The following UNC5D variants were observed in gnomAD, a reference collection of about 807,000 sequenced individuals.
UNC5D encodes netrin receptor UNC5D.
Under a neutral mutation model 105.4 loss-of-function variants are expected in UNC5D, and 39 were observed. The observed-to-expected ratio is 0.37, with a 90% CI of 0.29 to 0.48. The LOEUF (loss-of-function observed/expected upper bound fraction) is 0.48. Ranked by LOEUF, UNC5D falls within the 20% of genes least tolerant of loss-of-function variation. The pLI, the probability that UNC5D is intolerant of heterozygous loss-of-function variation, is 0.98. For synonymous variants in UNC5D, 452 were observed against 450.4 expected (o/e 1.00, Z -0.04); for missense variants, 991 against 1,202.4 (o/e 0.82, Z 2.60).
chr8:35,571,189 A>G (rs1586157941), intron 3 of UNC5D, among the ~76,000 whole-genome samples: 1 of 152,122 alleles, frequency 6.6e-6, no homozygotes, highest in African/African-American at 2.4e-5. Flanking sequence ...CCTTTTTAGA[A>G]TCATAAAATA....
At chr8:35,643,228 C>T (rs1251290081) in intron 4 of UNC5D, among the ~76,000 whole-genome samples, 1 of 152,180 alleles carries the variant, frequency 6.6e-6, no homozygotes, top group Non-Finnish European at 1.5e-5. Context: ...TTGTGACAGC[C>T]AAATATGTCT....
chr8:35,598,359 C>A (rs902837928), intron 4 of UNC5D, among the ~76,000 whole-genome samples: 1 of 152,132 alleles, frequency 6.6e-6, no homozygotes, highest in Non-Finnish European at 1.5e-5. Flanking sequence ...TGAAGCAGTG[C>A]TGCTCAAGGC....
chr8:35,647,585 T>C (rs569855970), intron 4 of UNC5D, among the ~76,000 whole-genome samples: 1 of 152,306 alleles, frequency 6.6e-6, no homozygotes, highest in East Asian at 1.9e-4. Context: ...ATTAGGTTTC[T>C]ATGAATATTG....
chr8:35,381,067 A>ATGTG (rs537829138), intron 1 of UNC5D, among the ~76,000 whole-genome samples: 5 of 150,698 alleles, frequency 3.3e-5, no homozygotes, highest in African/African-American at 9.7e-5. Context: ...AAGTGAGTGA[A>ATGTG]TGTGTGTGTG....
At chr8:35,572,958 C>T (rs1817842300) in intron 3 of UNC5D, among the ~76,000 whole-genome samples, 1 of 152,094 alleles carries the variant, frequency 6.6e-6, no homozygotes, top group Admixed American at 6.5e-5. Flanking sequence ...CGCCCGCCAC[C>T]ACGCCCGGCT....
chr8:35,268,268 A>G (rs2128830412), intron 1 of UNC5D, among the ~76,000 whole-genome samples: 1 of 121,176 alleles, frequency 8.3e-6, no homozygotes, highest in South Asian at 3.2e-4. Context: ...GAAGATGAAA[A>G]TTTATTAAAT....
At chr8:35,589,338 G>C (rs1819004561) in intron 3 of UNC5D, among the ~76,000 whole-genome samples, 1 of 150,904 alleles carries the variant, frequency 6.6e-6, no homozygotes, top group Admixed American at 6.6e-5. Flanking sequence ...TTATTAGCAA[G>C]TGTTCATCAT....
chr8:35,458,778 CTTA>C (rs1285435209), intron 1 of UNC5D, among the ~76,000 whole-genome samples: 1 of 152,000 alleles, frequency 6.6e-6, no homozygotes, highest in East Asian at 1.9e-4. Flanking sequence ...CCTGTTGTTT[CTTA>C]TTATCAAAAT....
intron 1 of UNC5D, among the ~76,000 whole-genome samples, chr8:35,269,294 C>T (rs548208705): frequency 6.6e-6 from 1 of 152,264 alleles, no homozygotes; most frequent in East Asian, 1.9e-4. Flanking sequence ...CTAGTCAGAC[C>T]CCAGGTGGCC....
intron 1 of UNC5D, among the ~76,000 whole-genome samples, chr8:35,352,759 C>T (rs537750756): frequency 6.6e-6 from 1 of 152,120 alleles, no homozygotes; most frequent in African/African-American, 2.4e-5. Flanking sequence ...ACTACAGGTG[C>T]ATGCCACCAC....
chr8:35,528,914 ATTTG>A (rs1175942201), intron 1 of UNC5D, among the ~76,000 whole-genome samples: 388 of 129,682 alleles, frequency 3.0e-3, no homozygotes, highest in African/African-American at 0.011. Context: ...TTTCTTGTAA[ATTTG>A]TTTGAGTTCA....
At chr8:35,381,639 A>C (rs1803048552) in intron 1 of UNC5D, among the ~76,000 whole-genome samples, 1 of 151,598 alleles carries the variant, frequency 6.6e-6, no homozygotes, top group East Asian at 1.9e-4. Context: ...TAGAATGCTT[A>C]ATCTCGTGCA....
chr8:35,300,929 G>A (rs757575148), intron 1 of UNC5D, among the ~76,000 whole-genome samples: 10 of 152,182 alleles, frequency 6.6e-5, no homozygotes, highest in Non-Finnish European at 1.2e-4. Flanking sequence ...AGGTTTTCAT[G>A]TATATGCAGA....
At chr8:35,298,357 A>G (rs1185382855) in intron 1 of UNC5D, among the ~76,000 whole-genome samples, 1 of 152,124 alleles carries the variant, frequency 6.6e-6, no homozygotes, top group Non-Finnish European at 1.5e-5. Context: ...TGTTTTTATA[A>G]ACAACTGTGT....
chr8:35,782,353 C>T (rs936864791), intron 16 of UNC5D, among the ~76,000 whole-genome samples: 2 of 152,130 alleles, frequency 1.3e-5, no homozygotes, highest in Admixed American at 6.6e-5. Context: ...AAAATGATAG[C>T]AGAGATATTA....
chr8:35,752,793 T>C (rs756844736), intron 13 of UNC5D, among the ~76,000 whole-genome samples: 2 of 152,158 alleles, frequency 1.3e-5, no homozygotes, highest in Admixed American at 6.5e-5. Context: ...ATGACTCAAG[T>C]TGGATGTTTA....
At chr8:35,543,781 T>G (rs1815443261) in intron 1 of UNC5D, among the ~76,000 whole-genome samples, 2 of 152,200 alleles carry the variant, frequency 1.3e-5, no homozygotes, top group South Asian at 4.1e-4. Context: ...AACACACCCA[T>G]CCTGATCTGG....
At chr8:35,455,088 C>A (rs1808398072) in intron 1 of UNC5D, among the ~76,000 whole-genome samples, 2 of 152,024 alleles carry the variant, frequency 1.3e-5, no homozygotes, top group African/African-American at 4.8e-5. Context: ...AGGTTTACTC[C>A]AGTAAAAATT....
chr8:35,645,035 C>T (rs1011276162), intron 4 of UNC5D, among the ~76,000 whole-genome samples: 2 of 152,106 alleles, frequency 1.3e-5, no homozygotes, highest in Non-Finnish European at 1.5e-5. Context: ...ACAATCATAG[C>T]GACTTTTGGG....
Sources: allele counts gnomAD v4.1 joint callset (sites outside exome capture counted in the v4.1 genomes callset), GRCh38; gene constraint gnomAD v4.1.1; transcripts MANE v1.5; gene names NCBI Gene and HGNC (gene_info 2026-07-23, HGNC 2026-07-21).